Variants in MAML1 observed in about 807,000 individuals in gnomAD.
The protein encoded by MAML1 is mastermind like transcriptional coactivator 1, also known as mastermind-like protein 1.
MAML1 carries 14 observed loss-of-function variants against 77.1 expected under a neutral mutation model. The ratio of observed to expected loss-of-function variants is 0.18; its 90% CI spans 0.12 to 0.28. MAML1 has a LOEUF of 0.28. Ranked by LOEUF, MAML1 falls within the 10% of genes least tolerant of loss-of-function variation. MAML1 has a pLI of 1.00. For synonymous variants in MAML1, 516 were observed against 551.9 expected (o/e 0.93, Z 0.91); for missense variants, 1,217 against 1,327.8 (o/e 0.92, Z 1.30).
intron 2 of MAML1, among the ~76,000 whole-genome samples, chr5:179,767,208 G>A (rs1468412910): frequency 1.3e-5 from 2 of 149,762 alleles, no homozygotes; most frequent in Non-Finnish European, 2.9e-5. Context: ...GCACAGCTCA[G>A]CTCTGTGCTT....
At chr5:179,740,449 T>A (rs970238085) in intron 1 of MAML1, among the ~76,000 whole-genome samples, 22 of 149,148 alleles carry the variant, frequency 1.5e-4, no homozygotes, top group African/African-American at 4.6e-4. Context: ...TTTTTTGTAT[T>A]TTTTTTTTTA....
rs1323524227 is a variant in MAML1 at position 179,733,076 on chromosome 5, G to A, written c.-37G>A. ...CCGCAGTGCCAGCCGGCCCCGAGAGGCCCGGCCCCGGGCCCGGCCCGTGCA... is the reference window on the plus strand; with the variant it reads ...CCGCAGTGCCAGCCGGCCCCGAGAGACCCGGCCCCGGGCCCGGCCCGTGCA... On this transcript the variant is annotated 5_prime_UTR_variant, in exon 1 of 5. Transcript: ENST00000292599. 3 of 1,254,710 alleles carry A rather than the reference G, an allele frequency of 2.4e-6. No homozygotes were observed. The highest frequency in any genetic ancestry group is 2.3e-5 in the South Asian group (1 of 43,184). 77.7% of individuals were successfully genotyped at this position (1,254,710 alleles called of 1,614,324 possible).
At chr5:179,740,178 T>C (rs1274653552) in intron 1 of MAML1, among the ~76,000 whole-genome samples, 1 of 152,122 alleles carries the variant, frequency 6.6e-6, no homozygotes, top group African/African-American at 2.4e-5. Context: ...TGAGCTGGCA[T>C]GAAGAACAGA....
intron 4 of MAML1, among the ~76,000 whole-genome samples, chr5:179,772,149 T>C (rs957807370): frequency 2.0e-5 from 3 of 152,178 alleles, no homozygotes. Context: ...AACAGAGTCT[T>C]GGTCTGTCGC....
rs370463621 is a variant in MAML1, at chr5:179,765,494, G to A, written c.484G>A (p.Gly162Ser). 3.4e-5 allele frequency: 55 copies of A among 1,613,924 alleles called. No homozygotes were observed. Among genetic ancestry groups the A allele is most frequent in the Non-Finnish European group, 4.2e-5 (50 of 1,180,012 alleles). ...TGGACTGCCTCCAGCCTCCCCCCTC[G>A]GTCAGTCTGACAAGCCTTCTGGAGC... ...SNGLPPASPL[G>S]QSDKPSGADA... Residue 162 changes from glycine (G) to serine (S), a missense_variant, in exon 2 of 5, where the codon GGT becomes AGT. Coordinates refer to ENST00000292599, the MANE Select transcript of MAML1 (RefSeq NM_014757.5).
Position 179,776,822 on chromosome 5 carries a change from T to C in MAML1, c.*1945T>C, listed in dbSNP as rs912515027. The C allele has an allele frequency of 7.5e-5, 74 of 985,870 alleles. No homozygotes were observed. The highest frequency in any genetic ancestry group is 8.7e-5 in the Non-Finnish European group (72 of 830,004). The allele number at this position is 985,870 out of a possible 1,614,324, so 61.1% of individuals were successfully genotyped here. On this transcript the variant is annotated 3_prime_UTR_variant, in exon 5 of 5. Coordinates refer to ENST00000292599, the MANE Select transcript of MAML1 (RefSeq NM_014757.5). ...TGTCATAGCAATAAAATGTGATTCT[T>C]GGGGTCCCCCCAGGGAGCTGCCCAT...
chr5:179,751,436 C>T (rs530270334), intron 1 of MAML1, among the ~76,000 whole-genome samples: 56 of 152,308 alleles, frequency 3.7e-4, no homozygotes, highest in African/African-American at 1.3e-3. Context: ...GCACTCACTT[C>T]AGTGGCTGTC....
Position 179,766,731 on chromosome 5 carries a change from C to T in MAML1, c.1721C>T (p.Pro574Leu). The T allele has an allele frequency of 6.5e-7, 1 of 1,549,154 alleles. No individual in the cohort carries two copies. Among genetic ancestry groups the T allele is most frequent in the Non-Finnish European group, 8.7e-7 (1 of 1,145,232 alleles). Residue 574 changes from proline to leucine, a missense_variant, in exon 2 of 5, where the codon CCA becomes CTA. Pro to Leu is a moderately conservative substitution (Grantham distance 98). Transcript: ENST00000292599. The surrounding 1 kb of genome is among the most constrained non-coding windows in gnomAD (Gnocchi z 4.0). The stretch of plus-strand genomic sequence containing the variant: ...AATATGCCTTTCCGATCACTGGTTC[C>T]ACCTGGCCAGGTAAGTATGAGCCTT... ...PGNMPFRSLV[P>L]PGQEQNPSSV... is the part of the protein sequence containing the mutation.
chr5:179,762,825 C>T (rs1242308923), intron 1 of MAML1, among the ~76,000 whole-genome samples: 1 of 152,218 alleles, frequency 6.6e-6, no homozygotes, highest in Non-Finnish European at 1.5e-5. Context: ...CACCACATTA[C>T]ACACTCCTAT....
At chr5:179,752,338 AAAAAAAAAAAAAAT>A (rs1285172921) in intron 1 of MAML1, among the ~76,000 whole-genome samples, 11 of 50,328 alleles carry the variant, frequency 2.2e-4, no homozygotes, top group African/African-American at 5.6e-4. Context: ...AAAAAAAAAA[AAAAAAAAAAAAAAT>A]ATATATATAT....
intron 1 of MAML1, among the ~76,000 whole-genome samples, chr5:179,745,859 CAAAAA>C (rs36036714): frequency 1.6e-5 from 1 of 63,462 alleles, no homozygotes; most frequent in Non-Finnish European, 3.0e-5. Context: ...AACTCCGTCT[CAAAAA>C]AAAAAAAAAA....
chr5:179,734,435 C>G (rs1779127345), intron 1 of MAML1, among the ~76,000 whole-genome samples: 1 of 152,064 alleles, frequency 6.6e-6, no homozygotes, highest in African/African-American at 2.4e-5. Flanking sequence ...CCAGTCTGAC[C>G]TAACCTATCT....
rs1009408891 is a variant in MAML1 at position 179,766,432 on chromosome 5, C to T, written c.1422C>T (p.Ser474=). 5 of 1,612,728 alleles carry T rather than the reference C, an allele frequency of 3.1e-6. No individual in the cohort carries two copies. The African/African-American group carries it at 6.7e-5, about 22-fold the overall frequency. ...LLMMPSVNKS[S]PRPGGPYLQP... is the part of the protein sequence containing the mutation. ...TGATGCCTAGTGTGAATAAGAGTTC[C>T]CCTCGGCCCGGAGGCCCCTACCTCC... is the stretch of plus-strand genomic sequence containing the variant. The change falls in exon 2 of 5, where the codon TCC becomes TCT. Residue 474 remains serine, a synonymous_variant. Coordinates refer to ENST00000292599, the MANE Select transcript of MAML1 (RefSeq NM_014757.5). The surrounding 1 kb of genome is among the most constrained non-coding windows in gnomAD (Gnocchi z 4.0).
Position 179,776,232 on chromosome 5 carries a change from C to T in MAML1, c.*1355C>T. On this transcript the variant is annotated 3_prime_UTR_variant, in exon 5 of 5. Transcript: ENST00000292599. ...AGAATGCTGAAAAGTGGCTCAGATG[C>T]AGAGTGTTCTGTGGAGAAACTGCAG... 3 of 985,932 alleles carry T rather than the reference C, an allele frequency of 3.0e-6. No individual in the cohort carries two copies. The highest frequency in any genetic ancestry group is 3.6e-6 in the Non-Finnish European group (3 of 829,986). The allele number at this position is 985,932 out of a possible 1,614,324, so 61.1% of individuals were successfully genotyped here.
Position 179,774,956 on chromosome 5 carries a change from G to A in MAML1, c.*79G>A. On this transcript the variant is annotated 3_prime_UTR_variant, in exon 5 of 5. Coordinates refer to ENST00000292599, the MANE Select transcript of MAML1 (RefSeq NM_014757.5). Reference sequence around the variant, plus strand: ...GATTCAAAGAAAGAGCAACTACTTTGGACCAAAAGCCCATGGCCTGGGGAG... The same window carrying A: ...GATTCAAAGAAAGAGCAACTACTTTAGACCAAAAGCCCATGGCCTGGGGAG... 1 of 1,511,504 alleles carries A rather than the reference G, an allele frequency of 6.6e-7. No homozygotes were observed. The highest frequency in any genetic ancestry group is 8.8e-7 in the Non-Finnish European group (1 of 1,136,882). The allele number at this position is 1,511,504 out of a possible 1,614,324, so 93.6% of individuals were successfully genotyped here. A position where few individuals can be genotyped will look rare whatever the true frequency, so the allele number is the denominator to read the frequency against.
chr5:179,763,554 C>T (rs1779759179), intron 1 of MAML1, among the ~76,000 whole-genome samples: 1 of 151,830 alleles, frequency 6.6e-6, no homozygotes, highest in Non-Finnish European at 1.5e-5. Context: ...TCAGCTTTAA[C>T]AGTTAAGAAA....
In MAML1 at chr5:179,733,176, C is replaced by A; in HGVS notation, c.64C>A (p.Arg22Ser). ...ALPRHSAVME[R>S]LRRRIELCRR... ...GCCGCGGCACAGCGCGGTCATGGAG[C>A]GCCTTCGCCGGCGCATCGAGCTGTG... The change falls in exon 1 of 5, where the codon CGC becomes AGC. Residue 22 changes from arginine (R) to serine (S), a missense_variant. By Grantham distance (110) the Arg-to-Ser change is moderately radical (BLOSUM62 -1). Coordinates refer to ENST00000292599, the MANE Select transcript of MAML1 (RefSeq NM_014757.5). 6.8e-7 allele frequency: 1 copy of A among 1,471,134 alleles called. No homozygotes were observed. Among genetic ancestry groups the A allele is most frequent in the Non-Finnish European group, 9.0e-7 (1 of 1,114,504 alleles). The allele number at this position is 1,471,134 out of a possible 1,614,324, so 91.1% of individuals were successfully genotyped here. A position where few individuals can be genotyped will look rare whatever the true frequency, so the allele number is the denominator to read the frequency against.
rs1048270955 is a variant in MAML1, at chr5:179,769,290, G to A, written c.1971+201G>A. On this transcript the variant is annotated intron_variant, in intron 3 of 4. Coordinates refer to ENST00000292599, the MANE Select transcript of MAML1 (RefSeq NM_014757.5). This position sits in a 1 kb window ranked among gnomAD's most constrained non-coding sequence, Gnocchi z 4.2. ...GGGTAGTCTTGTCAGAAGCTGCTTC[G>A]TGTCACTTAGTGGAGAGTACTCAAG... is the stretch of plus-strand genomic sequence containing the variant. 5.3e-5 allele frequency among the ~76,000 whole-genome samples: 8 copies of A among 152,256 alleles called. No individual in the cohort carries two copies. Among genetic ancestry groups the A allele is most frequent in the Admixed American group, 1.3e-4 (2 of 15,282 alleles).
chr5:179,745,430 T>TA (rs1282775004), intron 1 of MAML1, among the ~76,000 whole-genome samples: 5 of 151,690 alleles, frequency 3.3e-5, no homozygotes, highest in African/African-American at 9.7e-5. Flanking sequence ...AGGAAAGTAA[T>TA]AATGGCTGGG....
Sources: allele counts gnomAD v4.1 joint callset (sites outside exome capture counted in the v4.1 genomes callset), GRCh38; gene constraint gnomAD v4.1.1; non-coding constraint Gnocchi (gnomAD v3.1); transcripts MANE v1.5; gene names NCBI Gene and HGNC (gene_info 2026-07-23, HGNC 2026-07-21).